IFT27: variants seen among roughly 807,000 people sequenced by gnomAD.
IFT27 encodes intraflagellar transport 27.
In IFT27, 19 loss-of-function variants were observed where a neutral mutation model predicts 23.9. The ratio of observed to expected loss-of-function variants is 0.79; its 90% confidence interval spans 0.55 to 1.16. IFT27 has a LOEUF of 1.16. Among genes scored for constraint, IFT27 ranks in the 50% most tolerant of loss-of-function variants. The probability of loss-of-function intolerance (pLI) is 0.00; values close to 1 mark genes in which losing one functional copy is unlikely to be tolerated. For synonymous variants in IFT27, 91 were observed against 89.1 expected (o/e 1.02, Z -0.12); for missense variants, 206 against 228.7 (o/e 0.90, Z 0.64).
At chr22:36,759,918 G>A (rs1037334524) in intron 6 of IFT27, 2 of 152,218 alleles carry the variant, frequency 1.3e-5, no homozygotes, top group African/African-American at 4.8e-5. Context: ...AAGGAAACCA[G>A]GTCCCGTGGA....
At position 36,771,581 on chromosome 22, in the gene IFT27, T is replaced by C. The variant is rs571444940; in HGVS notation, c.35-3719A>G. ...GCCGGGACCAGCCGGGCAGGGCCCC[T>C]TCCTCAGGGGTCCGGATCCCAGCTC... On this transcript the variant is annotated intron_variant, in intron 1 of 6. Coordinates refer to ENST00000433985, the MANE Select transcript of IFT27 (RefSeq NM_001177701.3). Among the ~76,000 whole-genome samples, 4 of 152,240 alleles carry C rather than the reference T, an allele frequency of 2.6e-5. No individual in the cohort carries two copies. The East Asian group carries it at 7.7e-4, about 29-fold the overall frequency.
intron 1 of IFT27, among the ~76,000 whole-genome samples, chr22:36,770,286 G>C (rs953125271): frequency 1.3e-5 from 2 of 152,286 alleles, no homozygotes; most frequent in Admixed American, 6.5e-5. Flanking sequence ...GAGTCAGCCT[G>C]AAGTGACCCC....
At chr22:36,769,893 T>G (rs1451373597) in intron 1 of IFT27, among the ~76,000 whole-genome samples, 1 of 152,170 alleles carries the variant, frequency 6.6e-6, no homozygotes, top group African/African-American at 2.4e-5. Context: ...CATAAATCTT[T>G]CCTCTGACTG....
At chr22:36,769,724 A>C (rs950687605) in intron 1 of IFT27, among the ~76,000 whole-genome samples, 5 of 152,162 alleles carry the variant, frequency 3.3e-5, no homozygotes, top group Non-Finnish European at 7.4e-5. Flanking sequence ...TAGACTGTCA[A>C]GGGGTACCCA....
chr22:36,763,508 T>G, intron 5 of IFT27: 1 of 318,022 alleles, frequency 3.1e-6, no homozygotes. Context: ...TGAGGAGAAT[T>G]TGTTGATCTC....
intron 4 of IFT27, among the ~76,000 whole-genome samples, chr22:36,765,364 C>A (rs1342983772): frequency 2.0e-5 from 3 of 152,154 alleles, no homozygotes; most frequent in Non-Finnish European, 4.4e-5. Context: ...TACATCTTCC[C>A]TTCTGCTGGG....
chr22:36,774,880 G>A (rs975937302), intron 1 of IFT27, among the ~76,000 whole-genome samples: 30 of 152,138 alleles, frequency 2.0e-4, no homozygotes, highest in African/African-American at 6.5e-4. Flanking sequence ...ACGATTACAT[G>A]AAATATGTGT....
rs142974581 is a variant in IFT27, at chr22:36,768,990, G to A, written c.35-1128C>T. Among the ~76,000 whole-genome samples, 40 of 152,164 alleles carry A rather than the reference G, an allele frequency of 2.6e-4. No individual in the cohort carries two copies. The East Asian group carries it at 3.7e-3, about 14-fold the overall frequency. On this transcript the variant is annotated intron_variant, in intron 1 of 6. Transcript: ENST00000433985. ...AGTCGGCTTCAACACTCCTTTCCTCGACTTCTCAACAGTCTGCCACTGTTC... is the reference window on the plus strand; with the variant it reads ...AGTCGGCTTCAACACTCCTTTCCTCAACTTCTCAACAGTCTGCCACTGTTC...
intron 6 of IFT27, chr22:36,761,312 G>A (rs184868566): frequency 6.6e-6 from 1 of 152,330 alleles, no homozygotes; most frequent in Admixed American, 6.5e-5. Context: ...GGAGAATACT[G>A]AAATCCTGTT....
At chr22:36,769,472 A>T (rs1423616988) in intron 1 of IFT27, among the ~76,000 whole-genome samples, 2 of 152,132 alleles carry the variant, frequency 1.3e-5, no homozygotes, top group African/African-American at 4.8e-5. Flanking sequence ...CTCCTGCCTT[A>T]GCCTCCCGAG....
rs36014359 is a variant in IFT27, at chr22:36,775,260, G to GAA, written c.34+412_34+413dup. 5.3e-5 allele frequency among the ~76,000 whole-genome samples: 8 copies of GAA among 152,008 alleles called. No homozygotes were observed. In the East Asian group the frequency reaches 1.2e-3, roughly 22 times the overall value. On this transcript the variant is annotated intron_variant, in intron 1 of 6. Transcript: ENST00000433985. ...GTTATCAGAGGGGGTGAGGTCGGGG[G>GAA]AAAAATCCCATAGTAAAGACTACCA...
chr22:36,774,673 A>G (rs1480980042), intron 1 of IFT27, among the ~76,000 whole-genome samples: 2 of 152,090 alleles, frequency 1.3e-5, no homozygotes, highest in Admixed American at 1.3e-4. Context: ...TTAGCCGGGC[A>G]TGGTGGCTTG....
chr22:36,773,236 G>A (rs1938426683), intron 1 of IFT27, among the ~76,000 whole-genome samples: 1 of 152,134 alleles, frequency 6.6e-6, no homozygotes, highest in Admixed American at 6.5e-5. Flanking sequence ...GTGTGTGCCT[G>A]TATCCCCGGC....
Position 36,775,975 on chromosome 22 carries a change from T to A in IFT27, c.-268A>T. On this transcript the variant is annotated 5_prime_UTR_variant, in exon 1 of 7. Coordinates refer to ENST00000433985, the MANE Select transcript of IFT27 (RefSeq NM_001177701.3). The stretch of plus-strand genomic sequence containing the variant: ...GGCCTGACACGGCAGTCTGAAAAGG[T>A]GCAAGCGAGCGGACACGGCCTGTGC... 1 of 578,506 alleles carries A rather than the reference T, an allele frequency of 1.7e-6. No homozygotes were observed. Among genetic ancestry groups the A allele is most frequent in the Non-Finnish European group, 3.1e-6 (1 of 323,310 alleles). 35.8% of individuals were successfully genotyped at this position (578,506 alleles called of 1,614,324 possible). A position where few individuals can be genotyped will look rare whatever the true frequency, so the allele number is the denominator to read the frequency against.
At chr22:36,763,801 C>G in intron 5 of IFT27, 118 bp downstream of exon 5, 1 of 780,814 alleles carries the variant, frequency 1.3e-6, no homozygotes, top group African/African-American at 1.7e-5. Flanking sequence ...CGCCTTAGGC[C>G]ATCAAAGTCC....
chr22:36,770,042 AGAAGCAAGGCGTCTGG>A (rs1338180629), intron 1 of IFT27, among the ~76,000 whole-genome samples: 1 of 152,216 alleles, frequency 6.6e-6, no homozygotes, highest in Non-Finnish European at 1.5e-5. Context: ...GCACAAACTG[AGAAGCAAGGCGTCTGG>A]GAAGCATCGA....
chr22:36,772,281 C>T (rs566209461), intron 1 of IFT27: 32 of 156,082 alleles, frequency 2.1e-4, no homozygotes, highest in Non-Finnish European at 4.2e-4. Context: ...AGGGCACAGA[C>T]TCTGGAGCCA....
intron 1 of IFT27, 76 bp from the exon 2 acceptor site, chr22:36,767,938 G>T: frequency 7.6e-7 from 1 of 1,324,300 alleles, no homozygotes; most frequent in Non-Finnish European, 1.1e-6. Context: ...CAGAACATTA[G>T]TCTAGAAACC....
At chr22:36,768,978 A>T (rs1326910215) in intron 1 of IFT27, among the ~76,000 whole-genome samples, 1 of 151,348 alleles carries the variant, frequency 6.6e-6, no homozygotes, top group Non-Finnish European at 1.5e-5. Flanking sequence ...CGGCTTCAAC[A>T]CTCCTTTCCT....
Sources: allele counts gnomAD v4.1 joint callset (sites outside exome capture counted in the v4.1 genomes callset), GRCh38; gene constraint gnomAD v4.1.1; transcripts MANE v1.5; gene names NCBI Gene and HGNC (gene_info 2026-07-23, HGNC 2026-07-21).